The following NECTIN1 variants were observed in gnomAD, a reference collection of about 807,000 sequenced individuals.
NECTIN1 encodes nectin cell adhesion molecule 1.
Under a neutral mutation model 48.0 loss-of-function variants are expected in NECTIN1, and 23 were observed. That is an observed-to-expected ratio of 0.48 (90% CI 0.34 to 0.68). The LOEUF is 0.68. NECTIN1 is among the 30% of genes least tolerant of loss of function. The pLI is 0.01. For synonymous variants in NECTIN1, 270 were observed against 288.9 expected (o/e 0.93, Z 0.66); for missense variants, 591 against 709.9 (o/e 0.83, Z 1.90).
rs566671015 is a variant in NECTIN1, at chr11:119,661,797, A to G, written c.*2950T>C. 1.0e-5 allele frequency: 10 copies of G among 985,448 alleles called. No homozygotes were observed. In the African/African-American group the frequency reaches 1.4e-4, roughly 14 times the overall value. 61.0% of individuals were successfully genotyped at this position (985,448 alleles called of 1,614,324 possible). On this transcript the variant is annotated 3_prime_UTR_variant, in exon 6 of 6. Coordinates refer to ENST00000264025, the MANE Select transcript of NECTIN1 (RefSeq NM_002855.5). The stretch of plus-strand genomic sequence containing the variant: ...GCAGGATCAGACCATTCCCTCTGCC[A>G]CATCTGTGCTGAGTGGCCATCTGGC...
rs747086699 is a variant in NECTIN1, at chr11:119,677,588, G to C, written c.700C>G (p.Arg234Gly). The change falls in exon 3 of 6, where the codon CGC becomes GGC. Residue 234 changes from arginine (R) to glycine (G), a missense_variant. Arg to Gly is a moderately radical substitution (Grantham distance 125). Transcript: ENST00000264025. This position sits in a 1 kb window ranked among gnomAD's most constrained non-coding sequence, Gnocchi z 5.4. ...LACIVNYHMD[R>G]FKESLTLNVQ... ...TTGAGAGTGAGGCTTTCCTTGAAGC[G>C]GTCCATGTGGTAGTTGACGATGCAG... 1 of 1,612,890 alleles carries C rather than the reference G, an allele frequency of 6.2e-7. No homozygotes were observed. Among genetic ancestry groups the C allele is most frequent in the Non-Finnish European group, 8.5e-7 (1 of 1,180,014 alleles).
At chr11:119,674,764 T>C in intron 5 of NECTIN1, 1 of 1,577,502 alleles carries the variant, frequency 6.3e-7, no homozygotes, top group East Asian at 2.2e-5. Flanking sequence ...CATGAAGAGG[T>C]CCTTGACCAC....
At chr11:119,647,511 C>T (rs1457461763) in intron 5 of NECTIN1, among the ~76,000 whole-genome samples, 2 of 152,074 alleles carry the variant, frequency 1.3e-5, no homozygotes, top group African/African-American at 4.8e-5. Context: ...AGGGACCTGA[C>T]CCCCAGTCCT....
intron 1 of NECTIN1, among the ~76,000 whole-genome samples, chr11:119,690,570 G>T (rs776532436): frequency 6.6e-6 from 1 of 152,188 alleles, no homozygotes; most frequent in Non-Finnish European, 1.5e-5. Flanking sequence ...CTCCAGCAGC[G>T]CTGCCGGAGG....
At chr11:119,708,602 G>A (rs1349314156) in intron 1 of NECTIN1, among the ~76,000 whole-genome samples, 1 of 150,672 alleles carries the variant, frequency 6.6e-6, no homozygotes, top group African/African-American at 2.5e-5. Context: ...ATGAGTGGTT[G>A]TCAGGGGCCG....
Position 119,728,694 on chromosome 11 carries a change from C to T in NECTIN1, c.-141G>A. 1.8e-5 allele frequency: 1 copy of T among 54,228 alleles called. No individual in the cohort carries two copies. The highest frequency in any genetic ancestry group is 3.7e-5 in the Non-Finnish European group (1 of 27,216). 3.4% of individuals were successfully genotyped at this position (54,228 alleles called of 1,614,324 possible). ...GGTCAGCTGCAGCCGTCGGCCGGGGCGGGGTGGGCTGGGTGGGATCCGCGC... is the reference window on the plus strand; with the variant it reads ...GGTCAGCTGCAGCCGTCGGCCGGGGTGGGGTGGGCTGGGTGGGATCCGCGC... On this transcript the variant is annotated 5_prime_UTR_variant, in exon 1 of 6. Coordinates refer to ENST00000264025, the MANE Select transcript of NECTIN1 (RefSeq NM_002855.5).
chr11:119,680,728 C>A (rs1165784254), intron 1 of NECTIN1, among the ~76,000 whole-genome samples: 1 of 152,222 alleles, frequency 6.6e-6, no homozygotes, highest in Non-Finnish European at 1.5e-5. Context: ...CTGAGGTTCC[C>A]CCTTCTCTGT....
chr11:119,674,538 CA>C, intron 5 of NECTIN1: 1 of 1,614,120 alleles, frequency 6.2e-7, no homozygotes, highest in Middle Eastern at 1.7e-4. Flanking sequence ...TCCAGGGTCA[CA>C]GCTGTCTGAC....
Position 119,672,391 on chromosome 11 carries a change from A to C in NECTIN1, c.1003+2768T>G, listed in dbSNP as rs538607267. Among the ~76,000 whole-genome samples the C allele has an allele frequency of 3.2e-3, 493 of 152,188 alleles. 3 individuals are homozygous for C. Among genetic ancestry groups the C allele is most frequent in the African/African-American group, 0.011 (472 of 41,512 alleles). On this transcript the variant is annotated intron_variant, in intron 5 of 5. Coordinates refer to ENST00000264025, the MANE Select transcript of NECTIN1 (RefSeq NM_002855.5). The surrounding 1 kb of genome is among the most constrained non-coding windows in gnomAD (Gnocchi z 4.3). ...CCAGAGGGAGAAGGGAGGGAGCTTC[A>C]TTTTGTGACCACTGGGCCCACCCCA...
At chr11:119,714,198 G>C (rs1468441053) in intron 1 of NECTIN1, among the ~76,000 whole-genome samples, 1 of 152,182 alleles carries the variant, frequency 6.6e-6, no homozygotes, top group Non-Finnish European at 1.5e-5. Flanking sequence ...CCTGGGGGTT[G>C]TGTTAGAGCC....
At chr11:119,717,683 T>C (rs1293065009) in intron 1 of NECTIN1, among the ~76,000 whole-genome samples, 2 of 152,182 alleles carry the variant, frequency 1.3e-5, no homozygotes, top group Non-Finnish European at 2.9e-5. Context: ...CTGCCACTGA[T>C]TCAAAACCCT....
chr11:119,676,672 A>G (rs897954529), intron 4 of NECTIN1: 1 of 261,904 alleles, frequency 3.8e-6, no homozygotes, highest in Admixed American at 4.9e-5. Flanking sequence ...CCTCCTCCCC[A>G]AGAATCTGGG....
intron 1 of NECTIN1, among the ~76,000 whole-genome samples, chr11:119,696,540 C>T (rs1179722491): frequency 2.6e-5 from 4 of 152,068 alleles, no homozygotes; most frequent in African/African-American, 9.7e-5. Context: ...GCCTGTAGGA[C>T]CAGAATCAGG....
Position 119,677,546 on chromosome 11 carries a change from C to G in NECTIN1, c.733+9G>C. On this transcript the variant is annotated intron_variant, in intron 3 of 5. Coordinates refer to ENST00000264025, the MANE Select transcript of NECTIN1 (RefSeq NM_002855.5). This position sits in a 1 kb window ranked among gnomAD's most constrained non-coding sequence, Gnocchi z 5.4. Reference sequence around the variant, plus strand: ...CCCCAGGAGGCCCCTGGCAGCCAGCCCTGCTCACACTGCACGTTGAGAGTG... The same window carrying G: ...CCCCAGGAGGCCCCTGGCAGCCAGCGCTGCTCACACTGCACGTTGAGAGTG... 2 of 1,612,440 alleles carry G rather than the reference C, an allele frequency of 1.2e-6. No individual in the cohort carries two copies. Among genetic ancestry groups the G allele is most frequent in the Non-Finnish European group, 1.7e-6 (2 of 1,179,996 alleles).
chr11:119,723,405 C>T (rs1216679578), intron 1 of NECTIN1, among the ~76,000 whole-genome samples: 1 of 152,066 alleles, frequency 6.6e-6, no homozygotes, highest in African/African-American at 2.4e-5. Context: ...ACTGAGCTGT[C>T]TGCTGCTCTC....
intron 5 of NECTIN1, among the ~76,000 whole-genome samples, chr11:119,643,979 A>G (rs1864360576): frequency 6.6e-6 from 1 of 152,220 alleles, no homozygotes. Context: ...TCCCACAGCT[A>G]GGGCCGCCAC....
At chr11:119,711,416 G>A (rs1865644338) in intron 1 of NECTIN1, among the ~76,000 whole-genome samples, 1 of 151,662 alleles carries the variant, frequency 6.6e-6, no homozygotes. Context: ...CATGGAGAAG[G>A]AAACCTCACA....
chr11:119,656,818 C>A (rs144460784), downstream of NECTIN1, among the ~76,000 whole-genome samples: 389 of 152,368 alleles, frequency 2.6e-3, 5 homozygotes, highest in East Asian at 2.3e-3. Flanking sequence ...TATAGGGGAA[C>A]TGCCACCTTC....
At position 119,673,789 on chromosome 11, in the gene NECTIN1, G is replaced by A. The variant is rs564916450; in HGVS notation, c.1003+1370C>T. On this transcript the variant is annotated intron_variant, in intron 5 of 5. Transcript: ENST00000264025. The surrounding 1 kb of genome is among the most constrained non-coding windows in gnomAD (Gnocchi z 5.8). ...TGGGTAACCATGAGGCTCATTTTGA[G>A]CTGTACTTGGACCTTCCCCGCTGGG... Among the ~76,000 whole-genome samples, 15 of 152,298 alleles carry A rather than the reference G, an allele frequency of 9.8e-5. 1 individual carries two copies. The highest frequency in any genetic ancestry group is 8.3e-4 in the South Asian group (4 of 4,822).
Sources: allele counts gnomAD v4.1 joint callset (sites outside exome capture counted in the v4.1 genomes callset), GRCh38; gene constraint gnomAD v4.1.1; non-coding constraint Gnocchi (gnomAD v3.1); transcripts MANE v1.5; gene names NCBI Gene and HGNC (gene_info 2026-07-23, HGNC 2026-07-21).